SH3GLB2: variants seen among roughly 807,000 people sequenced by gnomAD.
SH3GLB2 encodes endophilin-B2.
In SH3GLB2, 24 loss-of-function variants were observed where a neutral mutation model predicts 48.0. The ratio of observed to expected loss-of-function variants is 0.50; its 90% CI spans 0.36 to 0.70. SH3GLB2 has a LOEUF of 0.70. SH3GLB2 is among the 30% of genes least tolerant of loss of function. SH3GLB2 has a pLI of 0.00. For synonymous variants in SH3GLB2, 227 were observed against 207.6 expected (o/e 1.09, Z -0.80); for missense variants, 425 against 516.0 (o/e 0.82, Z 1.71).
intron 1 of SH3GLB2, among the ~76,000 whole-genome samples, chr9:129,025,723 G>A (rs945764555): frequency 6.6e-6 from 1 of 151,112 alleles, no homozygotes; most frequent in Non-Finnish European, 1.5e-5. Flanking sequence ...CCCTAAATGT[G>A]CACCTCAACA....
At chr9:129,026,069 C>G (rs902161054) in intron 1 of SH3GLB2, among the ~76,000 whole-genome samples, 31 of 152,248 alleles carry the variant, frequency 2.0e-4, no homozygotes, top group African/African-American at 6.0e-4. Context: ...GCTCCTGCCA[C>G]TTGGACCAAC....
chr9:129,026,144 G>A (rs1474814851), intron 1 of SH3GLB2, among the ~76,000 whole-genome samples: 9 of 152,136 alleles, frequency 5.9e-5, no homozygotes, highest in Non-Finnish European at 1.2e-4. Flanking sequence ...GACCATCCCA[G>A]AATGACCCAT....
At position 129,007,456 on chromosome 9, in the gene SH3GLB2, G is replaced by T. The variant is rs913477225; in HGVS notation, c.*1228C>A. 6.6e-6 allele frequency: 1 copy of T among 152,132 alleles called. No homozygotes were observed. The highest frequency in any genetic ancestry group is 2.4e-5 in the African/African-American group (1 of 41,420). 9.4% of individuals were successfully genotyped at this position (152,132 alleles called of 1,614,324 possible). On this transcript the variant is annotated 3_prime_UTR_variant, in exon 11 of 11. Coordinates refer to ENST00000372564, the MANE Select transcript of SH3GLB2 (RefSeq NM_020145.4). ...CCCCTCTTCAGAAGCCCCAACAGTG[G>T]GGCCTACTGGCTGTTGGCCTTCTCA...
intron 1 of SH3GLB2, 145 bp downstream of exon 1, chr9:129,027,947 G>A (rs1844258030): frequency 6.8e-6 from 5 of 736,530 alleles, no homozygotes; most frequent in South Asian, 2.1e-5. Context: ...GTCAGCAAGG[G>A]CTCAGGGGGG....
At chr9:129,012,005 G>A (rs1274135350) in intron 6 of SH3GLB2, 11 of 393,882 alleles carry the variant, frequency 2.8e-5, no homozygotes, top group East Asian at 3.6e-5. Context: ...CAGCTCCAGC[G>A]TTTTGCAGAG....
At position 129,008,026 on chromosome 9, in the gene SH3GLB2, A is replaced by C. The variant is rs1842860788; in HGVS notation, c.*658T>G. ...ACCCTCAGGGCCAGGCCCTGACAGGAGCCCAGGTGACTCGCACACAAGGAC... is the reference window on the plus strand; with the variant it reads ...ACCCTCAGGGCCAGGCCCTGACAGGCGCCCAGGTGACTCGCACACAAGGAC... On this transcript the variant is annotated 3_prime_UTR_variant, in exon 11 of 11. Coordinates refer to ENST00000372564, the MANE Select transcript of SH3GLB2 (RefSeq NM_020145.4). The C allele has an allele frequency of 6.6e-6, 1 of 152,422 alleles. No individual in the cohort carries two copies. The highest frequency in any genetic ancestry group is 2.4e-5 in the African/African-American group (1 of 41,410). The allele number at this position is 152,422 out of a possible 1,614,324, so 9.4% of individuals were successfully genotyped here. A position where few individuals can be genotyped will look rare whatever the true frequency, so the allele number is the denominator to read the frequency against.
chr9:129,014,963 C>A lies in SH3GLB2; in HGVS notation c.335-59G>T. 6.4e-7 allele frequency: 1 copy of A among 1,572,436 alleles called. No individual in the cohort carries two copies. Among genetic ancestry groups the A allele is most frequent in the Non-Finnish European group, 8.6e-7 (1 of 1,159,976 alleles). The stretch of plus-strand genomic sequence containing the variant: ...GTCAGGCTCAGGCTACTCTGATCTA[C>A]AGGAGAGGGCTCAGGAAGAGCTTGC... On this transcript the variant is annotated intron_variant, in intron 3 of 10. Transcript: ENST00000372564. This position sits in a 1 kb window ranked among gnomAD's most constrained non-coding sequence, Gnocchi z 4.1.
chr9:129,008,415 C>A lies in SH3GLB2; in HGVS notation c.*269G>T. On this transcript the variant is annotated 3_prime_UTR_variant, in exon 11 of 11. Coordinates refer to ENST00000372564, the MANE Select transcript of SH3GLB2 (RefSeq NM_020145.4). ...AGTGCAGCTGCTGCAGACAGCCCCT[C>A]CCTCCTTAGTGGAGCCTGGAGGGTG... 2.3e-6 allele frequency: 1 copy of A among 429,176 alleles called. No individual in the cohort carries two copies. The highest frequency in any genetic ancestry group is 4.4e-6 in the Non-Finnish European group (1 of 228,024). 26.6% of individuals were successfully genotyped at this position (429,176 alleles called of 1,614,324 possible).
rs1843029342 is a variant in SH3GLB2, at chr9:129,010,151, C to T, written c.707G>A (p.Arg236His). 5.6e-6 allele frequency: 9 copies of T among 1,613,946 alleles called. No individual in the cohort carries two copies. Among genetic ancestry groups the T allele is most frequent in the African/African-American group, 4.0e-5 (3 of 74,886 alleles). ...GCTACTGATTCCCTCCAGCAAGAGACGGGTCACTTCTGCTTGCCGGTCAAA... is the reference window on the plus strand; with the variant it reads ...GCTACTGATTCCCTCCAGCAAGAGATGGGTCACTTCTGCTTGCCGGTCAAA... ...TEFDRQAEVTRLLLEGISSTH... is the reference protein window; with the variant it reads ...TEFDRQAEVTHLLLEGISSTH... Residue 236 changes from arginine (R) to histidine (H), a missense_variant, in exon 8 of 11, where the codon CGT becomes CAT. Physicochemically the swap from Arg to His is conservative, Grantham distance 29. Transcript: ENST00000372564.
intron 1 of SH3GLB2, among the ~76,000 whole-genome samples, chr9:129,027,611 C>T (rs554034726): frequency 6.6e-6 from 1 of 152,346 alleles, no homozygotes; most frequent in East Asian, 1.9e-4. Flanking sequence ...GCCTGACTAT[C>T]CAAACGTGTG....
chr9:129,012,905 C>A, intron 5 of SH3GLB2: 1 of 1,453,514 alleles, frequency 6.9e-7, no homozygotes, highest in African/African-American at 1.4e-5. Flanking sequence ...AGACCAGCTG[C>A]TTGCAAAATG....
At chr9:129,025,611 G>GAGGGAGGAAGGAAGGAAGGAAGGA (rs1844108152) in intron 1 of SH3GLB2, among the ~76,000 whole-genome samples, 1 of 120,036 alleles carries the variant, frequency 8.3e-6, no homozygotes, top group African/African-American at 3.4e-5. Context: ...GGGACTAAGG[G>GAGGGAGGAAGGAAGGAAGGAAGGA]AGGAAGGAAG....
In SH3GLB2 at chr9:129,028,283, T is replaced by A; in HGVS notation, c.-129A>T. 1 of 474,528 alleles carries A rather than the reference T, an allele frequency of 2.1e-6. No homozygotes were observed. The highest frequency in any genetic ancestry group is 2.7e-6 in the Non-Finnish European group (1 of 365,536). The allele number at this position is 474,528 out of a possible 1,614,324, so 29.4% of individuals were successfully genotyped here. A position where few individuals can be genotyped will look rare whatever the true frequency, so the allele number is the denominator to read the frequency against. ...CCCTCCGCGCACCCGCCTGCCGGCC[T>A]GCCCGCCTGCCCGCCCGCCGCAGCC... On this transcript the variant is annotated 5_prime_UTR_variant, in exon 1 of 11. Transcript: ENST00000372564.
chr9:129,010,757 G>A (rs1843070891), intron 6 of SH3GLB2, 64 bp from the exon 7 acceptor site: 1 of 1,597,230 alleles, frequency 6.3e-7, no homozygotes, highest in South Asian at 1.1e-5. Context: ...GGACCCTAGA[G>A]CCTGTGCCCT....
intron 1 of SH3GLB2, among the ~76,000 whole-genome samples, chr9:129,023,370 G>C (rs1262451304): frequency 6.6e-6 from 1 of 152,164 alleles, no homozygotes; most frequent in African/African-American, 2.4e-5. Context: ...TGGCCCCTCT[G>C]ATCTAAGAGG....
chr9:129,012,678 C>G (rs772066151), intron 5 of SH3GLB2: 4 of 486,314 alleles, frequency 8.2e-6, no homozygotes, highest in Non-Finnish European at 1.5e-5. Flanking sequence ...AGCCCACCCC[C>G]AACTGGGATG....
intron 9 of SH3GLB2, 34 bp from the exon 10 acceptor site, chr9:129,009,380 G>A (rs565251817): frequency 2.6e-6 from 4 of 1,550,834 alleles, no homozygotes; most frequent in East Asian, 2.4e-5. Context: ...GCAGGTGGGA[G>A]TCCCAGAAGG....
chr9:129,016,330 C>A (rs1843414470), intron 3 of SH3GLB2, among the ~76,000 whole-genome samples: 1 of 100,704 alleles, frequency 9.9e-6, no homozygotes, highest in Admixed American at 1.5e-4. Flanking sequence ...GCAACAAGAG[C>A]AAGACTGTCT....
At chr9:129,010,644 G>A (rs1289565552) in intron 7 of SH3GLB2, 26 bp downstream of exon 7, 2 of 1,613,518 alleles carry the variant, frequency 1.2e-6, no homozygotes, top group Non-Finnish European at 1.7e-6. Flanking sequence ...TCTTCCTCGA[G>A]CCCAGCCCCC....
Sources: allele counts gnomAD v4.1 joint callset (sites outside exome capture counted in the v4.1 genomes callset), GRCh38; gene constraint gnomAD v4.1.1; non-coding constraint Gnocchi (gnomAD v3.1); transcripts MANE v1.5; gene names NCBI Gene and HGNC (gene_info 2026-07-23, HGNC 2026-07-21).